Variants in TMEM117 observed in about 807,000 individuals in gnomAD.
TMEM117 encodes the protein transmembrane protein 117.
A neutral mutation model predicts 52.4 loss-of-function variants in TMEM117; 27 were observed. That is an observed-to-expected ratio of 0.51 (90% CI 0.38 to 0.71). The LOEUF (loss-of-function observed/expected upper bound fraction) is 0.71, where lower values mean the gene tolerates loss of function less well. Ranked by LOEUF, TMEM117 falls within the 30% of genes least tolerant of loss-of-function variation. TMEM117 has a pLI of 0.00. For missense variants in TMEM117, 556 were observed against 630.5 expected (o/e 0.88, Z 1.26); for synonymous variants, 215 against 206.3 (o/e 1.04, Z -0.36).
intron 5 of TMEM117, among the ~76,000 whole-genome samples, chr12:44,291,639 T>TATAG (rs1178287876): frequency 6.6e-6 from 1 of 152,012 alleles, no homozygotes; most frequent in East Asian, 1.9e-4. Context: ...GGTTGTTATA[T>TATAG]ATAGCCTTAG....
chr12:44,195,593 A>G (rs1592597120), intron 4 of TMEM117, among the ~76,000 whole-genome samples: 2 of 152,270 alleles, frequency 1.3e-5, no homozygotes, highest in East Asian at 3.9e-4. Flanking sequence ...AACATATACC[A>G]GGAAAATACA....
chr12:43,891,677 T>C (rs1675764), intron 2 of TMEM117, among the ~76,000 whole-genome samples: 106,847 of 151,992 alleles, frequency 0.7, 41,404 homozygotes, highest in East Asian at 0.87. Flanking sequence ...GAAATACCTC[T>C]TGAATTTTTA....
rs201406311 is a variant in TMEM117, at chr12:44,373,611, TATCTC to T, written c.769-2980_769-2976del. 6.9e-3 allele frequency among the ~76,000 whole-genome samples: 1,057 copies of T among 152,166 alleles called. 8 individuals are homozygous for T. Among genetic ancestry groups the T allele is most frequent in the African/African-American group, 0.024 (1,007 of 41,542 alleles). ...TCTGTCTCCAGTAATGTGCTAATGTTATCTCATCCTCCCAGGGAGCTTGTGAGGCT... is the reference window on the plus strand; with the variant it reads ...TCTGTCTCCAGTAATGTGCTAATGTTATCCTCCCAGGGAGCTTGTGAGGCT... On this transcript the variant is annotated intron_variant, in intron 6 of 7. Transcript: ENST00000266534.
At chr12:44,005,996 T>A (rs1341008577) in intron 3 of TMEM117, among the ~76,000 whole-genome samples, 3 of 152,176 alleles carry the variant, frequency 2.0e-5, no homozygotes, top group Non-Finnish European at 2.9e-5. Flanking sequence ...AACCTTTTTT[T>A]CCTATATAAA....
At chr12:44,297,727 G>A (rs868199260) in intron 5 of TMEM117, among the ~76,000 whole-genome samples, 2 of 152,068 alleles carry the variant, frequency 1.3e-5, no homozygotes, top group Non-Finnish European at 2.9e-5. Flanking sequence ...AGAAATTGTG[G>A]TGATTTCATT....
chr12:43,912,211 A>G (rs1376444212), intron 2 of TMEM117, among the ~76,000 whole-genome samples: 1 of 145,906 alleles, frequency 6.9e-6, no homozygotes, highest in East Asian at 2.0e-4. Flanking sequence ...CATGGATGAA[A>G]TTGGAAATCA....
the TMEM117 span, among the ~76,000 whole-genome samples, chr12:43,799,165 A>C: frequency 5.9e-5 from 9 of 152,254 alleles, no homozygotes; most frequent in African/African-American, 2.2e-4. Context: ...TACTATTCTG[A>C]CATGAAGATT....
At chr12:44,188,035 A>G (rs192440869) in intron 4 of TMEM117, among the ~76,000 whole-genome samples, 1 of 152,258 alleles carries the variant, frequency 6.6e-6, no homozygotes, top group African/African-American at 2.4e-5. Flanking sequence ...TCTAGGACAC[A>G]TTTGAAAGGG....
intron 2 of TMEM117, among the ~76,000 whole-genome samples, chr12:43,847,758 T>C (rs115974389): frequency 7.9e-5 from 12 of 152,280 alleles, no homozygotes; most frequent in African/African-American, 2.9e-4. Context: ...GCATTATTCA[T>C]TTGATTGACA....
chr12:44,275,026 G>C (rs1378201287), intron 5 of TMEM117, among the ~76,000 whole-genome samples: 1 of 151,956 alleles, frequency 6.6e-6, no homozygotes, highest in East Asian at 1.9e-4. Context: ...CCACAGAATG[G>C]GAGGAAATGT....
intron 3 of TMEM117, among the ~76,000 whole-genome samples, chr12:43,983,034 TG>T (rs1172440218): frequency 6.6e-6 from 1 of 152,196 alleles, no homozygotes; most frequent in East Asian, 1.9e-4. Flanking sequence ...TTTAGAAGCT[TG>T]AAACAGCAGC....
rs139665535 is a variant in TMEM117, at chr12:43,996,325, C to A, written c.410+51983C>A. On this transcript the variant is annotated intron_variant, in intron 3 of 7. Coordinates refer to ENST00000266534, the MANE Select transcript of TMEM117 (RefSeq NM_032256.3). ...TTAAAAGTTAATGAATCCATTTTCA[C>A]TGAAACGTATCATTAAAATTTTAAA... Among the ~76,000 whole-genome samples, 53 of 152,212 alleles carry A rather than the reference C, an allele frequency of 3.5e-4. 2 individuals carry two copies. Among genetic ancestry groups the A allele is most frequent in the African/African-American group, 1.2e-3 (48 of 41,518 alleles).
At chr12:43,834,160 T>C (rs1275747946), upstream of TMEM117, among the ~76,000 whole-genome samples, 1 of 152,234 alleles carries the variant, frequency 6.6e-6, no homozygotes, top group African/African-American at 2.4e-5. Flanking sequence ...TGTGAAGCTT[T>C]ACTATTTTTC....
At chr12:44,097,106 A>G (rs925794981) in intron 3 of TMEM117, among the ~76,000 whole-genome samples, 1 of 152,242 alleles carries the variant, frequency 6.6e-6, no homozygotes, top group African/African-American at 2.4e-5. Context: ...CAAAAAACAC[A>G]TGAAAAAATG....
At chr12:44,117,667 A>G (rs1413633061) in intron 3 of TMEM117, among the ~76,000 whole-genome samples, 2 of 152,102 alleles carry the variant, frequency 1.3e-5, no homozygotes, top group Non-Finnish European at 2.9e-5. Context: ...AAAGAAAGTA[A>G]TTCTAGAACA....
chr12:43,857,908 G>T lies in TMEM117; in HGVS notation c.277+12980G>T, dbSNP rs1169360993. ...GATAAATAAGTGGTGGTAGGTGGGAGGAAGTAGGCGAATGTGCTGATATGG... is the reference window on the plus strand; with the variant it reads ...GATAAATAAGTGGTGGTAGGTGGGATGAAGTAGGCGAATGTGCTGATATGG... On this transcript the variant is annotated intron_variant, in intron 2 of 7. Coordinates refer to ENST00000266534, the MANE Select transcript of TMEM117 (RefSeq NM_032256.3). Among the ~76,000 whole-genome samples the T allele has an allele frequency of 8.5e-5, 13 of 152,192 alleles. 1 individual carries two copies. The highest frequency in any genetic ancestry group is 8.5e-4 in the Admixed American group (13 of 15,278).
At chr12:43,953,827 C>A (rs1945263003) in intron 3 of TMEM117, among the ~76,000 whole-genome samples, 1 of 152,092 alleles carries the variant, frequency 6.6e-6, no homozygotes, top group Admixed American at 6.5e-5. Context: ...CAGAACTCTC[C>A]CCCCCAAAAC....
intron 6 of TMEM117, among the ~76,000 whole-genome samples, chr12:44,301,003 C>G (rs1324587491): frequency 6.6e-6 from 1 of 152,118 alleles, no homozygotes; most frequent in Non-Finnish European, 1.5e-5. Context: ...TCCTCTATTT[C>G]CTAACTAATA....
At chr12:44,220,748 G>A (rs1949778180) in intron 5 of TMEM117, among the ~76,000 whole-genome samples, 1 of 152,106 alleles carries the variant, frequency 6.6e-6, no homozygotes, top group African/African-American at 2.4e-5. Context: ...TCAAAAAACA[G>A]AATGATGGAG....
Sources: gnomAD v4.1 joint callset for allele counts (sites outside exome capture counted in the v4.1 genomes callset) on GRCh38, gnomAD v4.1.1 for gene constraint, MANE v1.5 for transcripts, NCBI Gene and HGNC (gene_info 2026-07-23, HGNC 2026-07-21) for gene names.